Variants in LIMCH1 observed in about 807,000 individuals in gnomAD.
The protein encoded by LIMCH1 is LIM and calponin homology domains 1.
LIMCH1 carries 113 observed loss-of-function variants against 176.5 expected under a neutral mutation model. That is an observed-to-expected ratio of 0.64 (90% confidence interval 0.55 to 0.75). LIMCH1 has a LOEUF of 0.75. LIMCH1 is among the 30% of genes least tolerant of loss of function. LIMCH1 has a pLI of 0.00. For synonymous variants in LIMCH1, 619 were observed against 645.9 expected (o/e 0.96, Z 0.63); for missense variants, 1,674 against 1,814.9 (o/e 0.92, Z 1.41).
chr4:41,697,369 G>GTT lies in LIMCH1; in HGVS notation c.*184_*185insTT. On this transcript the variant is annotated 3_prime_UTR_variant, in exon 32 of 32. Transcript: ENST00000503057. Reference sequence around the variant, plus strand: ...TTATGTTTTTCCTGTTTATTGTTTTGGTTTTTTTTTTTTTTTTGCATTTGC... The same window carrying GTT: ...TTATGTTTTTCCTGTTTATTGTTTTGTTGTTTTTTTTTTTTTTTTGCATTTGC... 4 of 508,362 alleles carry GTT rather than the reference G, an allele frequency of 7.9e-6. No individual in the cohort carries two copies. The highest frequency in any genetic ancestry group is 3.2e-5 in the South Asian group (1 of 31,690). The allele number at this position is 508,362 out of a possible 1,614,324, so 31.5% of individuals were successfully genotyped here.
intron 1 of LIMCH1, among the ~76,000 whole-genome samples, chr4:41,401,328 G>T (rs1302778842): frequency 1.1e-4 from 17 of 152,116 alleles, no homozygotes; most frequent in African/African-American, 4.1e-4. Flanking sequence ...GTTTGTCAAA[G>T]ATCAGATAGT....
At chr4:41,498,767 T>C (rs780706471) in intron 2 of LIMCH1, among the ~76,000 whole-genome samples, 7 of 152,204 alleles carry the variant, frequency 4.6e-5, no homozygotes, top group Non-Finnish European at 1.0e-4. Context: ...CCGGCCTGTT[T>C]TGAAATAACT....
chr4:41,517,652 T>A (rs1284631888), intron 2 of LIMCH1, among the ~76,000 whole-genome samples: 2 of 152,154 alleles, frequency 1.3e-5, no homozygotes, highest in Non-Finnish European at 2.9e-5. Flanking sequence ...CATTTCACTT[T>A]TCCCTATATT....
In LIMCH1 at chr4:41,550,153, C is replaced by T. The variant is rs113568188; in HGVS notation, c.-241+11803C>T. 6.9e-3 allele frequency among the ~76,000 whole-genome samples: 1,053 copies of T among 151,758 alleles called. 6 individuals carry two copies. Among genetic ancestry groups the T allele is most frequent in the African/African-American group, 0.022 (907 of 41,460 alleles). Reference sequence around the variant, plus strand: ...GCTGCCATTTCTTATGCCCACTGTCCCTCATGCTGCTATTTAAAAACTGAT... The same window carrying T: ...GCTGCCATTTCTTATGCCCACTGTCTCTCATGCTGCTATTTAAAAACTGAT... On this transcript the variant is annotated intron_variant, in intron 1 of 31. Coordinates refer to ENST00000503057, the MANE Select transcript of LIMCH1 (RefSeq NM_001330672.2).
At chr4:41,498,952 A>T (rs369473279) in intron 2 of LIMCH1, among the ~76,000 whole-genome samples, 2 of 152,176 alleles carry the variant, frequency 1.3e-5, no homozygotes, top group Admixed American at 1.3e-4. Context: ...AACTAAATTA[A>T]ACAAGAGTCT....
intron 1 of LIMCH1, among the ~76,000 whole-genome samples, chr4:41,467,324 T>C (rs112418928): frequency 0.029 from 4,365 of 152,254 alleles, 177 homozygotes; most frequent in African/African-American, 0.093. Flanking sequence ...ATTAAATGTT[T>C]TTTAACCAGT....
At position 41,663,116 on chromosome 4, in the gene LIMCH1, T is replaced by C. The variant is rs1369472263; in HGVS notation, c.3291+132T>C. The C allele has an allele frequency of 1.0e-5, 9 of 862,662 alleles. No homozygotes were observed. The East Asian group carries it at 2.4e-4, about 23-fold the overall frequency. The allele number at this position is 862,662 out of a possible 1,614,324, so 53.4% of individuals were successfully genotyped here. A position where few individuals can be genotyped will look rare whatever the true frequency, so the allele number is the denominator to read the frequency against. On this transcript the variant is annotated intron_variant, in intron 20 of 31. Transcript: ENST00000503057. ...TCCTCATCTTTTTTCCTATCTTTAA[T>C]CTGTAGTTTTTCTTTTTCGTGTGTG...
chr4:41,399,815 G>A (rs2058196014), intron 1 of LIMCH1, among the ~76,000 whole-genome samples: 1 of 145,806 alleles, frequency 6.9e-6, no homozygotes, highest in Non-Finnish European at 1.5e-5. Context: ...CCGAGTAGCT[G>A]GGAGTGTGCC....
chr4:41,497,959 T>A (rs2072512650), intron 2 of LIMCH1, among the ~76,000 whole-genome samples: 1 of 152,002 alleles, frequency 6.6e-6, no homozygotes, highest in South Asian at 2.1e-4. Context: ...GACCTAAGTT[T>A]GGGGAAGGTG....
chr4:41,508,054 T>C (rs2154182583), intron 2 of LIMCH1, among the ~76,000 whole-genome samples: 1 of 152,248 alleles, frequency 6.6e-6, no homozygotes, highest in South Asian at 2.1e-4. Context: ...ATAACATGAT[T>C]GAAAACTCTA....
intron 1 of LIMCH1, among the ~76,000 whole-genome samples, chr4:41,592,227 C>T (rs1487265759): frequency 1.3e-5 from 2 of 152,214 alleles, no homozygotes; most frequent in African/African-American, 4.8e-5. Flanking sequence ...TAGATTCCAT[C>T]ATGTAATTCC....
At chr4:41,614,439 A>G (rs999528906) in intron 5 of LIMCH1, among the ~76,000 whole-genome samples, 1 of 152,218 alleles carries the variant, frequency 6.6e-6, no homozygotes, top group Non-Finnish European at 1.5e-5. Flanking sequence ...CTACATATAT[A>G]AACTTGCGGA....
chr4:41,374,088 C>T (rs2154098843), intron 1 of LIMCH1, among the ~76,000 whole-genome samples: 1 of 152,190 alleles, frequency 6.6e-6, no homozygotes, highest in Middle Eastern at 3.4e-3. Context: ...AATTACCCAG[C>T]CTCAGGTAGT....
At chr4:41,366,833 G>C (rs2053076319) in intron 1 of LIMCH1, among the ~76,000 whole-genome samples, 1 of 152,164 alleles carries the variant, frequency 6.6e-6, no homozygotes, top group Non-Finnish European at 1.5e-5. Context: ...ACCCTGATGG[G>C]ATGTGTATTA....
At chr4:41,360,701 C>T (rs1177885930), upstream of LIMCH1, 4 of 470,320 alleles carry the variant, frequency 8.5e-6, no homozygotes, top group African/African-American at 6.3e-5. The surrounding 1 kb of genome is among the most constrained non-coding windows in gnomAD (Gnocchi z 4.5). Context: ...GCGGCTCTCC[C>T]GGGACCTGCG....
intron 1 of LIMCH1, among the ~76,000 whole-genome samples, chr4:41,492,428 C>G (rs13128024): frequency 6.8e-6 from 1 of 146,696 alleles, no homozygotes; most frequent in Non-Finnish European, 1.5e-5. Flanking sequence ...AGAGAGGGAG[C>G]CCAGAGGGAG....
chr4:41,378,155 G>C (rs1456160909), intron 1 of LIMCH1, among the ~76,000 whole-genome samples: 1 of 152,186 alleles, frequency 6.6e-6, no homozygotes, highest in Non-Finnish European at 1.5e-5. Flanking sequence ...AGTGCACTTG[G>C]GAAGCAGCAG....
chr4:41,509,045 T>A (rs569143648), intron 2 of LIMCH1, among the ~76,000 whole-genome samples: 1 of 152,122 alleles, frequency 6.6e-6, no homozygotes, highest in African/African-American at 2.4e-5. Flanking sequence ...CAATGGCTGA[T>A]TAGTAGAGCA....
chr4:41,477,531 G>C (rs2067932696), intron 1 of LIMCH1, among the ~76,000 whole-genome samples: 1 of 152,176 alleles, frequency 6.6e-6, no homozygotes, highest in Non-Finnish European at 1.5e-5. Flanking sequence ...ATTTTGAGGT[G>C]ACAAGCTAGA....
Sources: gnomAD v4.1 joint callset for allele counts (sites outside exome capture counted in the v4.1 genomes callset) on GRCh38, gnomAD v4.1.1 for gene constraint, Gnocchi (gnomAD v3.1) non-coding constraint, MANE v1.5 for transcripts, NCBI Gene and HGNC (gene_info 2026-07-23, HGNC 2026-07-21) for gene names.